Variants in KCNJ6 observed in about 807,000 individuals in gnomAD.
KCNJ6 encodes potassium inwardly rectifying channel subfamily J member 6, also known as G protein-activated inward rectifier potassium channel 2.
Under a neutral mutation model 34.2 loss-of-function variants are expected in KCNJ6, and 9 were observed. The ratio of observed to expected loss-of-function variants is 0.26; its 90% CI spans 0.16 to 0.46. The LOEUF (loss-of-function observed/expected upper bound fraction) is 0.46. KCNJ6 is among the 20% of genes least tolerant of loss of function. The pLI, the probability that KCNJ6 is intolerant of heterozygous loss-of-function variation, is 1.00. For synonymous variants in KCNJ6, 196 were observed against 207.1 expected, an observed-to-expected ratio of 0.95 and a Z score of 0.46; for missense variants, 236 against 531.3, an observed-to-expected ratio of 0.44 and a Z score of 5.46.
intron 3 of KCNJ6, among the ~76,000 whole-genome samples, chr21:37,651,934 C>G (rs2054435652): frequency 6.6e-6 from 1 of 152,122 alleles, no homozygotes; most frequent in African/African-American, 2.4e-5. Context: ...CCTTACTGAC[C>G]CACTGATTTT....
At chr21:37,719,189 CATCACAGG>C (rs1191640402) in intron 2 of KCNJ6, among the ~76,000 whole-genome samples, 1 of 152,120 alleles carries the variant, frequency 6.6e-6, no homozygotes, top group Non-Finnish European at 1.5e-5. Flanking sequence ...TGTCCAGAGT[CATCACAGG>C]GAATGGGGCT....
intron 2 of KCNJ6, among the ~76,000 whole-genome samples, chr21:37,797,948 A>G (rs2055251384): frequency 6.6e-6 from 1 of 152,232 alleles, no homozygotes; most frequent in African/African-American, 2.4e-5. Context: ...GGTGGGACTT[A>G]TTAACAATCC....
intron 2 of KCNJ6, among the ~76,000 whole-genome samples, chr21:37,742,290 G>A (rs558917792): frequency 3.6e-4 from 55 of 152,328 alleles, no homozygotes; most frequent in African/African-American, 1.3e-3. Context: ...CAACAGGCTG[G>A]CTTCCTGGGT....
At chr21:37,848,576 T>C (rs2055521870) in intron 1 of KCNJ6, among the ~76,000 whole-genome samples, 1 of 152,218 alleles carries the variant, frequency 6.6e-6, no homozygotes, top group Non-Finnish European at 1.5e-5. Flanking sequence ...ATTGTGGTCT[T>C]GTTGACCAGA....
intron 2 of KCNJ6, among the ~76,000 whole-genome samples, chr21:37,786,246 A>C (rs142426183): frequency 3.4e-4 from 52 of 152,324 alleles, no homozygotes; most frequent in Non-Finnish European, 6.2e-4. Context: ...TACTTAAACT[A>C]GAAATATGAG....
intron 2 of KCNJ6, among the ~76,000 whole-genome samples, chr21:37,815,654 C>A (rs1051409300): frequency 6.6e-6 from 1 of 152,206 alleles, no homozygotes; most frequent in Non-Finnish European, 1.5e-5. Flanking sequence ...TGGCCTTAGA[C>A]AAGGTGGTCT....
intron 2 of KCNJ6, among the ~76,000 whole-genome samples, chr21:37,802,117 G>A (rs1183657473): frequency 2.0e-5 from 3 of 152,170 alleles, no homozygotes; most frequent in Admixed American, 6.5e-5. Flanking sequence ...CCTATGATGA[G>A]AAGGATATAG....
At chr21:37,771,629 A>T (rs967150304) in intron 2 of KCNJ6, among the ~76,000 whole-genome samples, 43 of 152,210 alleles carry the variant, frequency 2.8e-4, no homozygotes, top group African/African-American at 1.0e-3. Context: ...AGGTGGTCCC[A>T]GAAGTGAGGC....
chr21:37,681,047 A>C (rs1354234096), intron 3 of KCNJ6, among the ~76,000 whole-genome samples: 1 of 152,236 alleles, frequency 6.6e-6, no homozygotes, highest in Non-Finnish European at 1.5e-5. Flanking sequence ...CCCATCAAGG[A>C]CACTGGGCCT....
At chr21:37,670,427 C>T (rs1569442288) in intron 3 of KCNJ6, among the ~76,000 whole-genome samples, 1 of 152,090 alleles carries the variant, frequency 6.6e-6, no homozygotes, top group Non-Finnish European at 1.5e-5. Flanking sequence ...GCAGGGATAA[C>T]ATTAAATCTG....
At chr21:37,805,027 TC>T (rs918483188) in intron 2 of KCNJ6, among the ~76,000 whole-genome samples, 1 of 152,128 alleles carries the variant, frequency 6.6e-6, no homozygotes, top group Non-Finnish European at 1.5e-5. Context: ...CAACAGACCA[TC>T]TATTGTGCAA....
intron 1 of KCNJ6, among the ~76,000 whole-genome samples, chr21:37,860,578 G>T (rs567331070): frequency 6.6e-6 from 1 of 152,270 alleles, no homozygotes; most frequent in East Asian, 1.9e-4. Context: ...TGGAGTTCCT[G>T]CAGGATCTGT....
chr21:37,873,592 T>A (rs2055663064), intron 1 of KCNJ6, among the ~76,000 whole-genome samples: 1 of 152,208 alleles, frequency 6.6e-6, no homozygotes, highest in Admixed American at 6.5e-5. Context: ...TCATTGACCC[T>A]AATCTATAAG....
intron 3 of KCNJ6, among the ~76,000 whole-genome samples, chr21:37,634,369 A>C (rs1428713295): frequency 6.6e-6 from 1 of 152,140 alleles, no homozygotes; most frequent in African/African-American, 2.4e-5. Context: ...TTCTGCAATG[A>C]GTGGAAGCTT....
intron 3 of KCNJ6, among the ~76,000 whole-genome samples, chr21:37,697,777 A>G (rs1240371471): frequency 6.6e-6 from 1 of 152,160 alleles, no homozygotes; most frequent in African/African-American, 2.4e-5. Context: ...GAGAGAGGAT[A>G]AGGTTGTGTG....
chr21:37,759,956 C>T (rs952588720), intron 2 of KCNJ6, among the ~76,000 whole-genome samples: 3 of 152,138 alleles, frequency 2.0e-5, no homozygotes, highest in South Asian at 2.1e-4. Flanking sequence ...CAGCCAGATG[C>T]TACATCGTGA....
chr21:37,776,044 T>C (rs185153008), intron 2 of KCNJ6, among the ~76,000 whole-genome samples: 6 of 152,330 alleles, frequency 3.9e-5, no homozygotes, highest in African/African-American at 9.6e-5. Flanking sequence ...TGGTTTGTAG[T>C]TCTCCTTGAA....
At chr21:37,743,620 C>A (rs1157386640) in intron 2 of KCNJ6, among the ~76,000 whole-genome samples, 1 of 152,160 alleles carries the variant, frequency 6.6e-6, no homozygotes, top group African/African-American at 2.4e-5. Flanking sequence ...TACCCTTCCA[C>A]CTTCTGTCAT....
intron 3 of KCNJ6, among the ~76,000 whole-genome samples, chr21:37,666,999 G>A (rs375645142): frequency 3.6e-4 from 54 of 151,188 alleles, no homozygotes; most frequent in African/African-American, 1.3e-3. Context: ...AAGTACCCAG[G>A]GACACAAACA....
Sources: allele counts gnomAD v4.1 joint callset (sites outside exome capture counted in the v4.1 genomes callset), GRCh38; gene constraint gnomAD v4.1.1; transcripts MANE v1.5; gene names NCBI Gene and HGNC (gene_info 2026-07-23, HGNC 2026-07-21).